Variants in PCDH11X observed in about 807,000 individuals in gnomAD.
The protein encoded by PCDH11X is protocadherin 11 X-linked.
In PCDH11X, 18 loss-of-function variants were observed where a neutral mutation model predicts 53.3. The ratio of observed to expected loss-of-function variants is 0.34; its 90% CI spans 0.23 to 0.50. PCDH11X has a LOEUF of 0.50. Among genes scored for constraint, PCDH11X ranks in the 20% least tolerant of loss-of-function variants. The pLI, the probability that PCDH11X is intolerant of heterozygous loss-of-function variation, is 0.98. For synonymous variants in PCDH11X, 279 were observed against 393.3 expected (o/e 0.71, Z 3.44); for missense variants, 570 against 1,032.4 (o/e 0.55, Z 6.14).
At chrX:92,453,016 A>C (rs2072831865) in intron 9 of PCDH11X, among the ~76,000 whole-genome samples, 1 of 98,289 alleles carries the variant, frequency 1.0e-5, no homozygotes. Flanking sequence ...AATTATAATT[A>C]TGTTGCCTTT....
chrX:92,050,463 G>A (rs1359231059), intron 6 of PCDH11X, among the ~76,000 whole-genome samples: 2 of 109,829 alleles, frequency 1.8e-5, no homozygotes, highest in African/African-American at 6.6e-5. Flanking sequence ...TGCAGTATAT[G>A]TACAGTACAC....
chrX:92,262,698 A>G (rs113656144), intron 7 of PCDH11X, among the ~76,000 whole-genome samples: 13,226 of 110,978 alleles, frequency 0.12, 1,224 homozygotes, highest in African/African-American at 0.3. Flanking sequence ...AGTTTTTCTC[A>G]TTTCAATTAA....
At chrX:92,051,407 T>C (rs1003978447) in intron 6 of PCDH11X, among the ~76,000 whole-genome samples, 1 of 111,684 alleles carries the variant, frequency 9.0e-6, no homozygotes, top group African/African-American at 3.2e-5. Flanking sequence ...AGCAGTGATA[T>C]AGCAATGATT....
At chrX:92,101,637 A>C (rs770621003) in intron 6 of PCDH11X, among the ~76,000 whole-genome samples, 140 of 110,408 alleles carry the variant, frequency 1.3e-3, no homozygotes, top group African/African-American at 4.6e-3. Flanking sequence ...GAACGGAAGA[A>C]ATGACTGCGG....
chrX:92,020,594 G>A (rs2062868617), intron 6 of PCDH11X, among the ~76,000 whole-genome samples: 1 of 111,766 alleles, frequency 8.9e-6, no homozygotes, highest in South Asian at 3.8e-4. Flanking sequence ...CTGTGGACCA[G>A]CAGACATAGT....
intron 6 of PCDH11X, among the ~76,000 whole-genome samples, chrX:92,129,975 C>T (rs768137949): frequency 9.2e-4 from 103 of 111,789 alleles, no homozygotes; most frequent in Non-Finnish European, 1.5e-3. Flanking sequence ...CACACGCACA[C>T]GCACACGCAC....
At chrX:92,616,580 T>G (rs1394334757) in intron 10 of PCDH11X, among the ~76,000 whole-genome samples, 1 of 112,144 alleles carries the variant, frequency 8.9e-6, no homozygotes, top group Non-Finnish European at 1.9e-5. Context: ...TTTTTATTAA[T>G]CATTTTGTAT....
chrX:92,125,215 T>C (rs1378297877), intron 6 of PCDH11X, among the ~76,000 whole-genome samples: 1 of 111,637 alleles, frequency 9.0e-6, no homozygotes, highest in Non-Finnish European at 1.9e-5. Flanking sequence ...ATTAGTGATA[T>C]TATGTCCTTT....
At chrX:92,285,429 T>A (rs764579833) in intron 8 of PCDH11X, among the ~76,000 whole-genome samples, 1 of 108,858 alleles carries the variant, frequency 9.2e-6, no homozygotes, top group East Asian at 2.9e-4. Context: ...AATCTTGTAG[T>A]TTTAGTAGAG....
intron 6 of PCDH11X, among the ~76,000 whole-genome samples, chrX:92,059,103 G>A (rs2063490729): frequency 9.4e-6 from 1 of 106,026 alleles, no homozygotes; most frequent in Admixed American, 1.0e-4. Flanking sequence ...CTGATTCTGT[G>A]TGTCTAATAA....
intron 8 of PCDH11X, among the ~76,000 whole-genome samples, chrX:92,313,177 A>G (rs2068988000): frequency 9.2e-6 from 1 of 109,233 alleles, no homozygotes; most frequent in Non-Finnish European, 1.9e-5. Context: ...ATTCCACAAA[A>G]TGTGTACATT....
At chrX:91,961,482 G>C (rs1455028005) in intron 6 of PCDH11X, among the ~76,000 whole-genome samples, 1 of 111,045 alleles carries the variant, frequency 9.0e-6, no homozygotes, top group Non-Finnish European at 1.9e-5. Flanking sequence ...GAAATAAAAG[G>C]CTTCCAAATT....
At chrX:91,842,173 T>C (rs1196683245) in intron 5 of PCDH11X, among the ~76,000 whole-genome samples, 1 of 109,286 alleles carries the variant, frequency 9.2e-6, no homozygotes, top group African/African-American at 3.3e-5. Flanking sequence ...TTCACAAAAC[T>C]AATCAAGAAT....
chrX:92,029,325 C>T (rs2063011815), intron 6 of PCDH11X, among the ~76,000 whole-genome samples: 1 of 111,224 alleles, frequency 9.0e-6, no homozygotes, highest in Admixed American at 9.6e-5. Flanking sequence ...TTTATATGCT[C>T]GAATCCTTCT....
intron 8 of PCDH11X, among the ~76,000 whole-genome samples, chrX:92,286,093 G>A (rs2068364855): frequency 9.0e-6 from 1 of 110,869 alleles, no homozygotes; most frequent in African/African-American, 3.3e-5. Flanking sequence ...TTCAGCATGG[G>A]CATCATGGCC....
intron 7 of PCDH11X, among the ~76,000 whole-genome samples, chrX:92,210,248 T>C (rs2066558150): frequency 1.1e-5 from 1 of 87,299 alleles, no homozygotes; most frequent in Admixed American, 1.3e-4. Flanking sequence ...TTTTTTTTTT[T>C]TTTTTTTTGA....
At chrX:92,147,984 CCTTTCTTTCTTT>C (rs1164396401) in intron 6 of PCDH11X, among the ~76,000 whole-genome samples, 1 of 72,103 alleles carries the variant, frequency 1.4e-5, no homozygotes, top group Non-Finnish European at 2.3e-5. Flanking sequence ...TTCCTTCCTT[CCTTTCTTTCTTT>C]CTTTCTTTCT....
chrX:92,193,315 A>G (rs777726353), intron 6 of PCDH11X, among the ~76,000 whole-genome samples: 2 of 111,693 alleles, frequency 1.8e-5, no homozygotes, highest in South Asian at 7.4e-4. Context: ...ATTGATACAC[A>G]TCAGATTATT....
intron 10 of PCDH11X, among the ~76,000 whole-genome samples, chrX:92,509,282 G>A (rs2074121322): frequency 9.0e-6 from 1 of 111,157 alleles, no homozygotes; most frequent in Non-Finnish European, 1.9e-5. Context: ...AGATGATGTT[G>A]AAGTGGGGGT....
Sources: gnomAD v4.1 joint callset for allele counts (sites outside exome capture counted in the v4.1 genomes callset) on GRCh38, gnomAD v4.1.1 for gene constraint, MANE v1.5 for transcripts, NCBI Gene and HGNC (gene_info 2026-07-23, HGNC 2026-07-21) for gene names.